WASHC5: variants seen among roughly 807,000 people sequenced by gnomAD.
WASHC5 encodes the protein WASH complex subunit 5, also known as WASH complex subunit strumpellin.
A neutral mutation model predicts 150.4 loss-of-function variants in WASHC5; 101 were observed. The ratio of observed to expected loss-of-function variants is 0.67; its 90% CI spans 0.57 to 0.79. The LOEUF (loss-of-function observed/expected upper bound fraction) is 0.79. Among genes scored for constraint, WASHC5 ranks in the 30% least tolerant of loss-of-function variants. The pLI is 0.00. For missense variants in WASHC5, 1,195 were observed against 1,396.3 expected, an observed-to-expected ratio of 0.86 and a Z score of 2.30; for synonymous variants, 467 against 491.2, an observed-to-expected ratio of 0.95 and a Z score of 0.65.
In WASHC5 at chr8:125,028,714, T is replaced by C. The variant is rs756567314; in HGVS notation, c.3336-7A>G. ...AATTTCAGGTATCTTCTGGCTGTGA[T>C]AGAGAACAGTTTAGATCAATTAACT... is the stretch of plus-strand genomic sequence containing the variant. On this transcript the variant is annotated splice_polypyrimidine_tract_variant and splice_region_variant and intron_variant, in intron 27 of 28. Coordinates refer to ENST00000318410, the MANE Select transcript of WASHC5 (RefSeq NM_014846.4). 1.9e-6 allele frequency: 3 copies of C among 1,604,482 alleles called. No individual in the cohort carries two copies. Among genetic ancestry groups the C allele is most frequent in the East Asian group, 2.2e-5 (1 of 44,816 alleles).
In WASHC5 at chr8:125,075,327, C is replaced by T. The variant is rs7465254; in HGVS notation, c.865-216G>A. Among the ~76,000 whole-genome samples the T allele has an allele frequency of 0.11, 16,721 of 152,006 alleles. 2,139 individuals carry two copies. The highest frequency in any genetic ancestry group is 0.31 in the African/African-American group (12,760 of 41,384). On this transcript the variant is annotated intron_variant, in intron 7 of 28. Coordinates refer to ENST00000318410, the MANE Select transcript of WASHC5 (RefSeq NM_014846.4). ...TAATAGGTATAAAGATCTCTTTACA[C>T]CTATTAACGTTGCTTTTTGAAATTC...
intron 28 of WASHC5, among the ~76,000 whole-genome samples, chr8:125,024,947 G>A (rs1050550623): frequency 3.3e-5 from 5 of 152,008 alleles, no homozygotes; most frequent in African/African-American, 1.2e-4. Context: ...CTTGATCTGC[G>A]AGGAATGTTC....
intron 23 of WASHC5, among the ~76,000 whole-genome samples, chr8:125,041,746 T>C (rs937416742): frequency 6.6e-6 from 1 of 152,194 alleles, no homozygotes; most frequent in East Asian, 1.9e-4. Flanking sequence ...GATGTATTAT[T>C]TTTGACCACT....
chr8:125,056,613 C>A, intron 16 of WASHC5, 64 bp downstream of exon 16: 1 of 1,591,006 alleles, frequency 6.3e-7, no homozygotes, highest in Non-Finnish European at 8.6e-7. Flanking sequence ...GTGACACAGG[C>A]CTGTGATATT....
chr8:125,044,353 T>C, intron 21 of WASHC5, 183 bp downstream of exon 21: 2 of 720,518 alleles, frequency 2.8e-6, no homozygotes, highest in East Asian at 2.6e-5. Flanking sequence ...CTAAAAGTAC[T>C]ATGCTGGCCA....
chr8:125,083,704 G>A lies in WASHC5; in HGVS notation c.186+9C>T, dbSNP rs765413412. 2 of 1,597,878 alleles carry A rather than the reference G, an allele frequency of 1.3e-6. No homozygotes were observed. Among genetic ancestry groups the A allele is most frequent in the Admixed American group, 1.7e-5 (1 of 59,802 alleles). On this transcript the variant is annotated intron_variant, in intron 2 of 28. Transcript: ENST00000318410. ...AGACAACAATAAAAATGCTATAGAG[G>A]AAGATTACCTTAAAATAGCTGAAAT... is the stretch of plus-strand genomic sequence containing the variant.
Position 125,075,096 on chromosome 8 carries a change from T to C in WASHC5, c.880A>G (p.Met294Val), listed in dbSNP as rs755946575. The stretch of plus-strand genomic sequence containing the variant: ...TCTACTAGATTAACTGTGATCCCCA[T>C]GTAAATACTAATTACCTGAAAGAGG... ...FPDNWVISIY[M>V]GITVNLVDAW... Residue 294 changes from methionine (M) to valine (V), a missense_variant, in exon 8 of 29, where the codon ATG becomes GTG. By Grantham distance (21) the Met-to-Val change is conservative (BLOSUM62 1). This residue lies in a region of WASHC5 where 997 missense variants were observed against 1,168.1 expected (regional missense o/e 0.85). Transcript: ENST00000318410. 3.6e-5 allele frequency: 57 copies of C among 1,600,584 alleles called. No individual in the cohort carries two copies. The highest frequency in any genetic ancestry group is 4.7e-5 in the Non-Finnish European group (55 of 1,167,998).
intron 10 of WASHC5, among the ~76,000 whole-genome samples, chr8:125,064,048 G>A (rs190497468): frequency 2.6e-5 from 4 of 152,196 alleles, no homozygotes; most frequent in Non-Finnish European, 4.4e-5. Flanking sequence ...CAATTCTAAC[G>A]TAAACAGTCA....
At chr8:125,036,052 G>A (rs185358533) in intron 26 of WASHC5, among the ~76,000 whole-genome samples, 103 of 152,300 alleles carry the variant, frequency 6.8e-4, no homozygotes, top group Non-Finnish European at 1.2e-3. Context: ...TATTCCTGGA[G>A]AGAACAGACA....
intron 15 of WASHC5, 93 bp from the exon 16 acceptor site, chr8:125,056,910 G>C: frequency 6.8e-7 from 1 of 1,466,402 alleles, no homozygotes; most frequent in Non-Finnish European, 9.5e-7. Flanking sequence ...TCTATATAGG[G>C]GGATGCTGAA....
chr8:125,048,920 T>C, intron 19 of WASHC5, 86 bp downstream of exon 19: 2 of 1,121,038 alleles, frequency 1.8e-6, no homozygotes, highest in Non-Finnish European at 1.3e-6. Flanking sequence ...GTAAACTTTC[T>C]TGTTGACATT....
chr8:125,085,901 G>GAACA (rs1255027777), intron 1 of WASHC5, among the ~76,000 whole-genome samples: 4 of 152,156 alleles, frequency 2.6e-5, no homozygotes, highest in African/African-American at 9.7e-5. Context: ...CCACAGACTT[G>GAACA]AGTACCCCTT....
intron 20 of WASHC5, among the ~76,000 whole-genome samples, chr8:125,046,786 G>A (rs1405691467): frequency 7.2e-5 from 11 of 152,140 alleles, no homozygotes; most frequent in Non-Finnish European, 1.3e-4. Flanking sequence ...TGGAGACAGG[G>A]GGGCGGGGGA....
intron 23 of WASHC5, 45 bp downstream of exon 23, chr8:125,043,780 T>A (rs757570992): frequency 2.9e-6 from 4 of 1,380,594 alleles, no homozygotes; most frequent in Admixed American, 1.7e-5. Context: ...ATAAAAAATT[T>A]AAAAATGTAA....
At position 125,067,744 on chromosome 8, in the gene WASHC5, G is replaced by A. The variant is rs1231663194; in HGVS notation, c.1151-25C>T. 2.5e-6 allele frequency: 4 copies of A among 1,610,558 alleles called. No homozygotes were observed. The Admixed American group carries it at 5.0e-5, about 20-fold the overall frequency. On this transcript the variant is annotated intron_variant, in intron 9 of 28. Coordinates refer to ENST00000318410, the MANE Select transcript of WASHC5 (RefSeq NM_014846.4). ...GCTAGAAACAGGAAAAGTGTTACCT[G>A]CTTACTAAATGTGTAGAAAATATCT...
rs563786689 is a variant in WASHC5, at chr8:125,039,915, GA to G, written c.2851-18del. ...CTGCCCAACCTGTGCACAAGCAAGA[GA>G]AAGAACAGGTAGTGCATTCAAGCAT... On this transcript the variant is annotated intron_variant, in intron 23 of 28. Coordinates refer to ENST00000318410, the MANE Select transcript of WASHC5 (RefSeq NM_014846.4). 1.1e-4 allele frequency: 174 copies of G among 1,548,618 alleles called. No individual in the cohort carries two copies. In the African/African-American group the frequency reaches 2.1e-3, roughly 19 times the overall value.
At chr8:125,066,875 C>T (rs1321781323) in intron 10 of WASHC5, among the ~76,000 whole-genome samples, 1 of 152,222 alleles carries the variant, frequency 6.6e-6, no homozygotes, top group Non-Finnish European at 1.5e-5. Context: ...GATCCCTTCC[C>T]CAGGCCCCTT....
At chr8:125,082,584 GT>G in intron 3 of WASHC5, 117 bp from the exon 4 acceptor site, 1 of 692,796 alleles carries the variant, frequency 1.4e-6, no homozygotes, top group Non-Finnish European at 2.6e-6. Flanking sequence ...CCTTCCACTA[GT>G]TCATGGTCCT....
chr8:125,026,663 C>T (rs1300638116), intron 28 of WASHC5, among the ~76,000 whole-genome samples: 1 of 152,070 alleles, frequency 6.6e-6, no homozygotes, highest in African/African-American at 2.4e-5. Context: ...TATTCCCTTT[C>T]TCTCTTAATT....
Sources: allele counts gnomAD v4.1 joint callset (sites outside exome capture counted in the v4.1 genomes callset), GRCh38; gene constraint gnomAD v4.1.1; regional missense constraint gnomAD v4.1.1; transcripts MANE v1.5; gene names NCBI Gene and HGNC (gene_info 2026-07-23, HGNC 2026-07-21).